Variants in SIN3A observed in about 807,000 individuals in gnomAD.
The protein encoded by SIN3A is SIN3 transcription regulator family member A.
Under a neutral mutation model 146.1 loss-of-function variants are expected in SIN3A, and 14 were observed. The ratio of observed to expected loss-of-function variants is 0.10; its 90% CI spans 0.06 to 0.15. The LOEUF is 0.15. Among genes scored for constraint, SIN3A ranks in the 10% least tolerant of loss-of-function variants. The pLI is 1.00. For missense variants in SIN3A, 1,028 were observed against 1,576.0 expected (o/e 0.65, Z 5.89); for synonymous variants, 572 against 572.0 (o/e 1.00, Z 0.00).
At chr15:75,448,829 T>C (rs896183112) in intron 1 of SIN3A, among the ~76,000 whole-genome samples, 3 of 152,180 alleles carry the variant, frequency 2.0e-5, no homozygotes, top group Non-Finnish European at 4.4e-5. Context: ...AAAAGAATTA[T>C]ACTTCACCAG....
At position 75,394,753 on chromosome 15, in the gene SIN3A, T is replaced by G. The variant is rs564818133; in HGVS notation, c.2204A>C (p.Asn735Thr). ...YLKSLDHQGI[N>T]FKQNDTKVLR... ...GACCTTGGTGTCATTCTGTTTAAAGTTGATCCCCTGGTGGTCCAGAGACTT... is the reference window on the plus strand; with the variant it reads ...GACCTTGGTGTCATTCTGTTTAAAGGTGATCCCCTGGTGGTCCAGAGACTT... The change falls in exon 14 of 21, where the codon AAC becomes ACC. Residue 735 changes from asparagine (N) to threonine (T), a missense_variant. Asn to Thr is a moderately conservative substitution (Grantham distance 65). Transcript: ENST00000394947. 6.2e-7 allele frequency: 1 copy of G among 1,614,052 alleles called. No homozygotes were observed. The highest frequency in any genetic ancestry group is 1.3e-5 in the African/African-American group (1 of 74,920).
intron 16 of SIN3A, among the ~76,000 whole-genome samples, chr15:75,385,618 A>T (rs1437821476): frequency 1.3e-5 from 2 of 152,236 alleles, no homozygotes; most frequent in African/African-American, 4.8e-5. Flanking sequence ...GCAAAACGTT[A>T]ATTTCAATAT....
chr15:75,423,607 G>T (rs1437611165), intron 2 of SIN3A, among the ~76,000 whole-genome samples: 1 of 152,186 alleles, frequency 6.6e-6, no homozygotes, highest in Non-Finnish European at 1.5e-5. Context: ...GAACCCAGGA[G>T]GCGGAGCTTG....
chr15:75,445,606 A>G (rs2074293113), intron 1 of SIN3A, among the ~76,000 whole-genome samples: 1 of 148,288 alleles, frequency 6.7e-6, no homozygotes, highest in Non-Finnish European at 1.5e-5. Flanking sequence ...AGCTGGGTGT[A>G]GTGGCGCATG....
intron 8 of SIN3A, among the ~76,000 whole-genome samples, chr15:75,407,741 A>C (rs1567360071): frequency 6.6e-6 from 1 of 151,680 alleles, no homozygotes; most frequent in Non-Finnish European, 1.5e-5. Context: ...AAATACAAAA[A>C]AATTAGCTGG....
At chr15:75,417,763 G>A (rs2073767832) in intron 3 of SIN3A, among the ~76,000 whole-genome samples, 1 of 152,150 alleles carries the variant, frequency 6.6e-6, no homozygotes, top group Admixed American at 6.5e-5. Context: ...TCTGAAATGT[G>A]TCCCACAAAA....
intron 5 of SIN3A, among the ~76,000 whole-genome samples, 153 bp from the exon 6 acceptor site, chr15:75,411,896 G>A (rs2073647093): frequency 6.6e-6 from 1 of 152,222 alleles, no homozygotes; most frequent in African/African-American, 2.4e-5. Context: ...ATACTGGGCA[G>A]CAGTGGGAGT....
chr15:75,376,916 T>A (rs2072872857), intron 19 of SIN3A, among the ~76,000 whole-genome samples: 1 of 147,046 alleles, frequency 6.8e-6, no homozygotes, highest in Non-Finnish European at 1.5e-5. Flanking sequence ...TCAGTGAGAA[T>A]CTTTGTATAC....
chr15:75,412,756 T>A lies in SIN3A; in HGVS notation c.756+7A>T. 6.4e-7 allele frequency: 1 copy of A among 1,562,358 alleles called. No homozygotes were observed. The highest frequency in any genetic ancestry group is 1.2e-5 in the South Asian group (1 of 83,088). On this transcript the variant is annotated splice_region_variant and intron_variant, in intron 5 of 20. Coordinates refer to ENST00000394947, the MANE Select transcript of SIN3A (RefSeq NM_001145358.2). Reference sequence around the variant, plus strand: ...TCATATTGATGCAATATTTTCCAAGTGCTCACCTTGCTGACTTTGGCAGGT... The same window carrying A: ...TCATATTGATGCAATATTTTCCAAGAGCTCACCTTGCTGACTTTGGCAGGT...
intron 12 of SIN3A, among the ~76,000 whole-genome samples, chr15:75,397,718 C>T (rs2073331078): frequency 6.6e-6 from 1 of 152,186 alleles, no homozygotes; most frequent in African/African-American, 2.4e-5. Context: ...TAAACACATG[C>T]ACACCCCACT....
At chr15:75,445,656 T>C (rs1007124659) in intron 1 of SIN3A, among the ~76,000 whole-genome samples, 2 of 148,490 alleles carry the variant, frequency 1.3e-5, no homozygotes, top group African/African-American at 5.0e-5. Flanking sequence ...GGCAGGAGAA[T>C]CACTTGAAGC....
intron 12 of SIN3A, among the ~76,000 whole-genome samples, chr15:75,398,498 A>G (rs2073345428): frequency 6.6e-6 from 1 of 151,970 alleles, no homozygotes; most frequent in Non-Finnish European, 1.5e-5. Context: ...CAACATGGTG[A>G]AACCCATCTC....
At chr15:75,416,634 C>T (rs1361603002) in intron 3 of SIN3A, among the ~76,000 whole-genome samples, 1 of 152,118 alleles carries the variant, frequency 6.6e-6, no homozygotes, top group Non-Finnish European at 1.5e-5. Flanking sequence ...CCTAGATTCC[C>T]TGACTTTTAA....
chr15:75,378,887 G>GATATATATATAT (rs61263220), intron 19 of SIN3A, among the ~76,000 whole-genome samples: 1 of 144,976 alleles, frequency 6.9e-6, no homozygotes, highest in Non-Finnish European at 1.5e-5. Context: ...ATATAATAGG[G>GATATATATATAT]ATATATATAT....
chr15:75,428,206 C>T (rs2141563500), intron 2 of SIN3A, among the ~76,000 whole-genome samples: 1 of 152,298 alleles, frequency 6.6e-6, no homozygotes, highest in East Asian at 1.9e-4. Flanking sequence ...TTCATAGGTA[C>T]TTGACAAACT....
chr15:75,382,091 C>T (rs1362721642), intron 17 of SIN3A, among the ~76,000 whole-genome samples: 1 of 152,180 alleles, frequency 6.6e-6, no homozygotes, highest in Non-Finnish European at 1.5e-5. Context: ...GAGGAGGTAA[C>T]TATCAGAATC....
intron 2 of SIN3A, 130 bp from the exon 3 acceptor site, chr15:75,422,953 T>C (rs2073863881): frequency 2.4e-6 from 2 of 843,896 alleles, no homozygotes; most frequent in Non-Finnish European, 1.8e-6. Flanking sequence ...GCGTGATGGC[T>C]CACACCTATC....
intron 16 of SIN3A, among the ~76,000 whole-genome samples, chr15:75,385,845 T>C (rs1250378948): frequency 1.3e-5 from 2 of 152,096 alleles, no homozygotes; most frequent in African/African-American, 2.4e-5. Context: ...CAACTACAGA[T>C]GGATAAATAA....
chr15:75,450,484 C>A (rs752193590), intron 1 of SIN3A, among the ~76,000 whole-genome samples: 2 of 152,212 alleles, frequency 1.3e-5, no homozygotes, highest in Non-Finnish European at 2.9e-5. Flanking sequence ...CCTCCCCTAC[C>A]ATCACCACCG....
Sources: allele counts gnomAD v4.1 joint callset (sites outside exome capture counted in the v4.1 genomes callset), GRCh38; gene constraint gnomAD v4.1.1; transcripts MANE v1.5; gene names NCBI Gene and HGNC (gene_info 2026-07-23, HGNC 2026-07-21).